The following FRMPD3 variants were observed in gnomAD, a reference collection of about 807,000 sequenced individuals.
The protein encoded by FRMPD3 is FERM and PDZ domain containing 3.
Under a neutral mutation model 97.9 loss-of-function variants are expected in FRMPD3, and 42 were observed. The ratio of observed to expected loss-of-function variants is 0.43; its 90% CI spans 0.34 to 0.55. The LOEUF (loss-of-function observed/expected upper bound fraction) is 0.55, where lower values mean the gene tolerates loss of function less well. FRMPD3 is among the 20% of genes least tolerant of loss of function. The pLI, the probability that FRMPD3 is intolerant of heterozygous loss-of-function variation, is 0.03. For missense variants in FRMPD3, 1,303 were observed against 1,457.7 expected (o/e 0.89, Z 1.73); for synonymous variants, 577 against 581.1 (o/e 0.99, Z 0.10).
chrX:107,565,528 T>C (rs906399284), intron 12 of FRMPD3, among the ~76,000 whole-genome samples: 4 of 107,896 alleles, frequency 3.7e-5, no homozygotes, highest in Admixed American at 2.0e-4. Flanking sequence ...ACCCTGTCTC[T>C]ACAAAAAATT....
At chrX:107,539,022 T>G (rs942391786) in intron 4 of FRMPD3, among the ~76,000 whole-genome samples, 2 of 110,795 alleles carry the variant, frequency 1.8e-5, no homozygotes, top group African/African-American at 6.6e-5. Context: ...AAACTATTAA[T>G]AGTCACTTCT....
chrX:107,565,986 G>C (rs1922587403), intron 12 of FRMPD3, among the ~76,000 whole-genome samples: 1 of 112,472 alleles, frequency 8.9e-6, no homozygotes, highest in Non-Finnish European at 1.9e-5. Flanking sequence ...TGGGAAGAAG[G>C]GGAACATGCA....
At position 107,601,816 on chromosome X, in the gene FRMPD3, G is replaced by A; in HGVS notation, c.3777G>A (p.Gln1259=). The part of the protein sequence containing the change: ...FLEELLKPPS[Q]GELPGTEYLQ... Reference sequence around the variant, plus strand: ...AGGAACTTCTAAAGCCACCAAGCCAGGGGGAGCTGCCAGGCACCGAGTACC... The same window carrying A: ...AGGAACTTCTAAAGCCACCAAGCCAAGGGGAGCTGCCAGGCACCGAGTACC... The change falls in exon 15 of 15, where the codon CAG becomes CAA. Residue 1259 remains glutamine, a synonymous_variant. Coordinates refer to ENST00000683843, the MANE Select transcript of FRMPD3 (RefSeq NM_001388459.1). 2 of 1,211,029 alleles carry A rather than the reference G, an allele frequency of 1.7e-6. No individual in the cohort carries two copies.
At chrX:107,534,977 A>C (rs898488142) in intron 4 of FRMPD3, among the ~76,000 whole-genome samples, 1 of 111,501 alleles carries the variant, frequency 9.0e-6, no homozygotes, top group African/African-American at 3.3e-5. Flanking sequence ...TCCCCTCCCC[A>C]CCACTTTGCT....
chrX:107,593,665 T>C (rs1263668665), intron 13 of FRMPD3, among the ~76,000 whole-genome samples: 1 of 111,800 alleles, frequency 8.9e-6, no homozygotes, highest in African/African-American at 3.3e-5. Flanking sequence ...CTTTCCCCAC[T>C]TTATGTTTTT....
chrX:107,560,994 G>T, intron 10 of FRMPD3, 141 bp downstream of exon 10: 1 of 620,335 alleles, frequency 1.6e-6, no homozygotes. Flanking sequence ...GCTTGGCCAG[G>T]TGTGGGGCAG....
At chrX:107,594,229 A>T (rs186724438) in intron 13 of FRMPD3, among the ~76,000 whole-genome samples, 1 of 111,871 alleles carries the variant, frequency 8.9e-6, no homozygotes, top group Admixed American at 9.5e-5. Context: ...AACTTTAATG[A>T]ATTCATCTAT....
At chrX:107,562,416 C>T (rs1569423185) in intron 10 of FRMPD3, among the ~76,000 whole-genome samples, 1 of 112,164 alleles carries the variant, frequency 8.9e-6, no homozygotes, top group Non-Finnish European at 1.9e-5. Context: ...TAGGATGCTC[C>T]CTCTAACAGT....
chrX:107,470,807 C>A (rs1302324516), intron 1 of FRMPD3, among the ~76,000 whole-genome samples: 5 of 112,084 alleles, frequency 4.5e-5, no homozygotes, highest in African/African-American at 1.6e-4. Context: ...TAATTGGAAG[C>A]CAGCATAAAT....
At chrX:107,469,526 T>G (rs781131790) in intron 1 of FRMPD3, among the ~76,000 whole-genome samples, 4 of 111,710 alleles carry the variant, frequency 3.6e-5, no homozygotes, top group Non-Finnish European at 7.5e-5. Context: ...CATATCAAAA[T>G]GAAAGGAAGA....
intron 1 of FRMPD3, chrX:107,522,621 G>A (rs1922546196): frequency 2.4e-6 from 1 of 418,088 alleles, no homozygotes; most frequent in Non-Finnish European, 4.1e-6. Context: ...GATGGAGGAG[G>A]AACAGTCACC....
At chrX:107,549,750 T>G (rs976791571) in intron 5 of FRMPD3, among the ~76,000 whole-genome samples, 3 of 111,734 alleles carry the variant, frequency 2.7e-5, no homozygotes, top group African/African-American at 9.8e-5. Context: ...CATCAGCCCT[T>G]CAGCGGGTGT....
intron 1 of FRMPD3, among the ~76,000 whole-genome samples, chrX:107,516,604 A>G (rs1922338693): frequency 1.8e-5 from 2 of 111,380 alleles, no homozygotes; most frequent in South Asian, 7.6e-4. Context: ...TGTGGTTTTG[A>G]TTTGCATTTC....
intron 1 of FRMPD3, among the ~76,000 whole-genome samples, chrX:107,461,884 C>T (rs978780824): frequency 7.3e-5 from 8 of 108,912 alleles, no homozygotes; most frequent in African/African-American, 2.7e-4. Flanking sequence ...CCAGACTCCC[C>T]TAGCCTCCTT....
chrX:107,589,357 G>A lies in FRMPD3; in HGVS notation c.1442-7964G>A, dbSNP rs188748588. On this transcript the variant is annotated intron_variant, in intron 13 of 14. Transcript: ENST00000683843. Reference sequence around the variant, plus strand: ...CAATGGTCAGGTCCCTCTTCCGTACGGCTGCTGCTATTTGCTGGGGGTTCA... The same window carrying A: ...CAATGGTCAGGTCCCTCTTCCGTACAGCTGCTGCTATTTGCTGGGGGTTCA... 1.5e-3 allele frequency among the ~76,000 whole-genome samples: 161 copies of A among 110,659 alleles called. 1 individual carries two copies. Among genetic ancestry groups the A allele is most frequent in the Non-Finnish European group, 2.0e-3 (105 of 52,880 alleles).
intron 5 of FRMPD3, among the ~76,000 whole-genome samples, chrX:107,546,523 A>G (rs920303449): frequency 8.9e-6 from 1 of 112,482 alleles, no homozygotes; most frequent in Non-Finnish European, 1.9e-5. Context: ...GCAGCTGCCA[A>G]TTTGGGGAGT....
At position 107,528,443 on chromosome X, in the gene FRMPD3, GGAA is replaced by G. The variant is rs770258960; in HGVS notation, c.148+1716_148+1718del. Among the ~76,000 whole-genome samples the G allele has an allele frequency of 7.2e-3, 804 of 111,402 alleles. 3 individuals are homozygous for G. The highest frequency in any genetic ancestry group is 0.013 in the Non-Finnish European group (682 of 53,057). On this transcript the variant is annotated intron_variant, in intron 2 of 14. Transcript: ENST00000683843. The stretch of plus-strand genomic sequence containing the variant: ...ACGGAAGAAAGGGAGGGGAGGGAAG[GGAA>G]GAAGAAGATAGATAGAGTGGCCTCC...
Position 107,455,496 on chromosome X carries a change from C to T in FRMPD3, c.-8+5491C>T, listed in dbSNP as rs768669823. Among the ~76,000 whole-genome samples the T allele has an allele frequency of 7.2e-5, 8 of 111,775 alleles. No homozygotes were observed. In the East Asian group the frequency reaches 1.7e-3, roughly 23 times the overall value. ...GGAGGATGGCTTGAACACGGGAGGT[C>T]GAGACTGCAGTGAGCTGTGGTCGCA... is the stretch of plus-strand genomic sequence containing the variant. On this transcript the variant is annotated intron_variant, in intron 1 of 14. Transcript: ENST00000683843.
At chrX:107,548,351 G>A (rs1921709408) in intron 5 of FRMPD3, among the ~76,000 whole-genome samples, 1 of 112,353 alleles carries the variant, frequency 8.9e-6, no homozygotes, top group East Asian at 2.8e-4. Context: ...TACAGTAGAG[G>A]TTCAATGAAT....
Sources: gnomAD v4.1 joint callset for allele counts (sites outside exome capture counted in the v4.1 genomes callset) on GRCh38, gnomAD v4.1.1 for gene constraint, MANE v1.5 for transcripts, NCBI Gene and HGNC (gene_info 2026-07-23, HGNC 2026-07-21) for gene names.